Variants in ECHDC1 observed in about 807,000 individuals in gnomAD.
ECHDC1 encodes ethylmalonyl-CoA decarboxylase.
Under a neutral mutation model 29.7 loss-of-function variants are expected in ECHDC1, and 29 were observed. The ratio of observed to expected loss-of-function variants is 0.98; its 90% confidence interval spans 0.73 to 1.33. The LOEUF (loss-of-function observed/expected upper bound fraction) is 1.33. Ranked by LOEUF, ECHDC1 falls within the 40% of genes most tolerant of loss-of-function variation. The pLI, the probability that ECHDC1 is intolerant of heterozygous loss-of-function variation, is 0.00. For missense variants in ECHDC1, 328 were observed against 350.0 expected (o/e 0.94, Z 0.50); for synonymous variants, 126 against 123.1 (o/e 1.02, Z -0.15).
intron 5 of ECHDC1, among the ~76,000 whole-genome samples, chr6:127,297,200 T>C (rs754456988): frequency 9.9e-5 from 15 of 152,200 alleles, no homozygotes; most frequent in Non-Finnish European, 2.1e-4. Flanking sequence ...AATTAATAAA[T>C]ATTCATTAAC....
intron 5 of ECHDC1, among the ~76,000 whole-genome samples, chr6:127,301,507 G>A (rs1461062271): frequency 6.6e-6 from 1 of 152,106 alleles, no homozygotes; most frequent in Non-Finnish European, 1.5e-5. Context: ...TTTAGAACAA[G>A]CAGACATTCT....
intron 1 of ECHDC1, chr6:127,341,761 C>G (rs548655569): frequency 1.3e-5 from 2 of 152,292 alleles, no homozygotes; most frequent in East Asian, 1.9e-4. Context: ...TCTCTAAAAG[C>G]CTTTACCTGT....
At chr6:127,335,136 C>T (rs1480598718) in intron 1 of ECHDC1, among the ~76,000 whole-genome samples, 1 of 152,048 alleles carries the variant, frequency 6.6e-6, no homozygotes, top group African/African-American at 2.4e-5. Context: ...TGACAGAGAA[C>T]ATATAAAGGT....
At chr6:127,324,877 T>C (rs997609489) in intron 3 of ECHDC1, among the ~76,000 whole-genome samples, 1 of 152,164 alleles carries the variant, frequency 6.6e-6, no homozygotes, top group African/African-American at 2.4e-5. Context: ...TGTGAGTAAA[T>C]GGGGAAGAAG....
chr6:127,291,937 A>C lies in ECHDC1; in HGVS notation c.498-1660T>G, dbSNP rs575705077. Among the ~76,000 whole-genome samples, 275 of 152,258 alleles carry C rather than the reference A, an allele frequency of 1.8e-3. 2 individuals carry two copies. Among genetic ancestry groups the C allele is most frequent in the African/African-American group, 6.4e-3 (265 of 41,578 alleles). On this transcript the variant is annotated intron_variant, in intron 5 of 5. Coordinates refer to ENST00000454859, the MANE Select transcript of ECHDC1 (RefSeq NM_001002030.2). ...AATAATTTTAAAATTGGGAGGAAAA[A>C]AGAACAAGTCTTATAAAAATCTGAA...
At chr6:127,331,151 CTTTTTTTTTT>C (rs35842645) in intron 1 of ECHDC1, 121 bp from the exon 2 acceptor site, 1 of 516,168 alleles carries the variant, frequency 1.9e-6, no homozygotes, top group Non-Finnish European at 3.3e-6. Context: ...TTCCCCATTT[CTTTTTTTTTT>C]TTTTTTGAGA....
chr6:127,318,970 T>C (rs1460871698), intron 3 of ECHDC1, among the ~76,000 whole-genome samples: 1 of 152,242 alleles, frequency 6.6e-6, no homozygotes, highest in East Asian at 1.9e-4. Flanking sequence ...TAAAAACCTT[T>C]CCAATAAAAT....
At chr6:127,307,643 T>C in intron 5 of ECHDC1, among the ~76,000 whole-genome samples, 1 of 12,390 alleles carries the variant, frequency 8.1e-5, no homozygotes, top group Non-Finnish European at 2.2e-4. Context: ...TGATACTCTG[T>C]CTCAGAAAAA....
intron 5 of ECHDC1, among the ~76,000 whole-genome samples, chr6:127,309,536 CAG>C (rs1191969558): frequency 4.2e-5 from 4 of 95,784 alleles, no homozygotes; most frequent in Admixed American, 1.1e-4. Context: ...CACACACACA[CAG>C]GAAAAAATAG....
intron 5 of ECHDC1, among the ~76,000 whole-genome samples, chr6:127,297,229 C>T (rs539614826): frequency 9.1e-4 from 139 of 152,178 alleles, no homozygotes; most frequent in African/African-American, 3.2e-3. Context: ...ATTTATTTAA[C>T]TTTTGATTTA....
At chr6:127,326,635 T>C in intron 3 of ECHDC1, 2 of 400,284 alleles carry the variant, frequency 5.0e-6, no homozygotes, top group East Asian at 1.5e-4. Context: ...TCAATACACT[T>C]AAAAATAAAC....
chr6:127,327,080 G>A lies in ECHDC1; in HGVS notation c.285C>T (p.Gly95=). The A allele has an allele frequency of 6.2e-7, 1 of 1,614,002 alleles. No homozygotes were observed. The highest frequency in any genetic ancestry group is 1.7e-5 in the Admixed American group (1 of 60,010). Residue 95 remains glycine, a synonymous_variant, in exon 3 of 6, where the codon GGC becomes GGT. Coordinates refer to ENST00000454859, the MANE Select transcript of ECHDC1 (RefSeq NM_001002030.2). ...IELENWTEGK[G]LIVRGAKNTF... ...TATTTTTTGCCCCACGGACAATGAG[G>A]CCTTTCCCCTCTGTCCAATTTTCCA...
intron 5 of ECHDC1, among the ~76,000 whole-genome samples, chr6:127,298,708 TTGTAATG>T (rs1320975312): frequency 6.6e-6 from 1 of 152,198 alleles, no homozygotes; most frequent in Non-Finnish European, 1.5e-5. Flanking sequence ...ATCATCGCCA[TTGTAATG>T]TCATAGAACA....
chr6:127,342,552 T>G, intron 1 of ECHDC1: 2 of 582,404 alleles, frequency 3.4e-6, no homozygotes, highest in Non-Finnish European at 5.8e-6. Context: ...CACAAGCTTG[T>G]CTGTTCCAAG....
intron 5 of ECHDC1, among the ~76,000 whole-genome samples, chr6:127,296,294 A>G (rs748734783): frequency 1.6e-4 from 25 of 152,040 alleles, no homozygotes; most frequent in Non-Finnish European, 2.8e-4. Context: ...CCCAGGTTCA[A>G]GTGACTCTCC....
chr6:127,342,666 C>T lies in ECHDC1; in HGVS notation c.-3+670G>A, dbSNP rs778768232. 1.4e-5 allele frequency: 5 copies of T among 360,368 alleles called. No individual in the cohort carries two copies. In the Admixed American group the frequency reaches 1.7e-4, roughly 13 times the overall value. The allele number at this position is 360,368 out of a possible 1,614,324, so 22.3% of individuals were successfully genotyped here. A position where few individuals can be genotyped will look rare whatever the true frequency, so the allele number is the denominator to read the frequency against. ...AGAGCAACAACTGCTATACAGGAGC[C>T]CAGATGTGGAACAGAGCAAAGAACT... On this transcript the variant is annotated intron_variant, in intron 1 of 5. Transcript: ENST00000454859.
At chr6:127,291,441 C>T (rs938528288) in intron 5 of ECHDC1, among the ~76,000 whole-genome samples, 1 of 151,996 alleles carries the variant, frequency 6.6e-6, no homozygotes, top group Non-Finnish European at 1.5e-5. Context: ...TTGGATTAGA[C>T]TGATAGCAGT....
At chr6:127,332,191 T>C (rs1310615477) in intron 1 of ECHDC1, among the ~76,000 whole-genome samples, 1 of 152,204 alleles carries the variant, frequency 6.6e-6, no homozygotes, top group African/African-American at 2.4e-5. Context: ...AAGTAACTTC[T>C]TGACTTCTAA....
At chr6:127,305,413 G>T (rs1781367204) in intron 5 of ECHDC1, among the ~76,000 whole-genome samples, 1 of 152,110 alleles carries the variant, frequency 6.6e-6, no homozygotes, top group Admixed American at 6.6e-5. Flanking sequence ...TGTCCTACAA[G>T]AAATATTAAA....
Sources: gnomAD v4.1 joint callset for allele counts (sites outside exome capture counted in the v4.1 genomes callset) on GRCh38, gnomAD v4.1.1 for gene constraint, MANE v1.5 for transcripts, NCBI Gene and HGNC (gene_info 2026-07-23, HGNC 2026-07-21) for gene names.